The following MAGI2 variants were observed in gnomAD, a reference collection of about 807,000 sequenced individuals.
MAGI2 encodes the protein membrane-associated guanylate kinase, WW and PDZ domain-containing protein 2.
Under a neutral mutation model 133.3 loss-of-function variants are expected in MAGI2, and 35 were observed. The observed-to-expected ratio is 0.26, with a 90% CI of 0.20 to 0.35. The LOEUF (loss-of-function observed/expected upper bound fraction) is 0.35, where lower values mean the gene tolerates loss of function less well. MAGI2 is among the 10% of genes least tolerant of loss of function. The pLI is 1.00. For missense variants in MAGI2, 1,636 were observed against 1,863.4 expected (o/e 0.88, Z 2.25); for synonymous variants, 729 against 710.6 (o/e 1.03, Z -0.41).
Position 78,331,113 on chromosome 7 carries a change from A to C in MAGI2, c.1408+12665T>G, listed in dbSNP as rs1323036446. Among the ~76,000 whole-genome samples the C allele has an allele frequency of 3.3e-5, 5 of 152,212 alleles. No homozygotes were observed. The East Asian group carries it at 9.6e-4, about 29-fold the overall frequency. On this transcript the variant is annotated intron_variant, in intron 9 of 21. Transcript: ENST00000354212. The stretch of plus-strand genomic sequence containing the variant: ...TCCTAAGTGAATTAACACAAGAACA[A>C]AAATCCAAATACTACATGTTCTCAC...
At chr7:78,241,573 A>G (rs1381191038) in intron 10 of MAGI2, among the ~76,000 whole-genome samples, 1 of 152,218 alleles carries the variant, frequency 6.6e-6, no homozygotes, top group South Asian at 2.1e-4. Context: ...ATTTTAATAC[A>G]TATACCAGTG....
intron 1 of MAGI2, among the ~76,000 whole-genome samples, chr7:79,280,155 A>T (rs2129557878): frequency 6.6e-6 from 1 of 152,316 alleles, no homozygotes; most frequent in Non-Finnish European, 1.5e-5. Flanking sequence ...TTAAAAGCAG[A>T]GTTAGGAAGA....
intron 9 of MAGI2, among the ~76,000 whole-genome samples, chr7:78,330,001 G>C (rs888754307): frequency 2.0e-5 from 3 of 151,442 alleles, no homozygotes; most frequent in African/African-American, 7.3e-5. Context: ...GAATCATTTT[G>C]TCTCCAGGAT....
At chr7:78,500,946 G>T (rs1563089282) in intron 5 of MAGI2, among the ~76,000 whole-genome samples, 1 of 152,134 alleles carries the variant, frequency 6.6e-6, no homozygotes, top group African/African-American at 2.4e-5. Context: ...AAATTAGCCA[G>T]GCATGGTGGT....
intron 6 of MAGI2, among the ~76,000 whole-genome samples, chr7:78,439,473 G>A (rs1218906380): frequency 6.6e-6 from 1 of 152,158 alleles, no homozygotes; most frequent in Non-Finnish European, 1.5e-5. Context: ...AAGAAGTGGG[G>A]CAGGCCTTTG....
rs141426180 is a variant in MAGI2, at chr7:78,663,365, C to T, written c.419-36126G>A. Among the ~76,000 whole-genome samples, 393 of 152,184 alleles carry T rather than the reference C, an allele frequency of 2.6e-3. 12 individuals carry two copies. Among genetic ancestry groups the T allele is most frequent in the Admixed American group, 0.022 (331 of 15,284 alleles). On this transcript the variant is annotated intron_variant, in intron 2 of 21. Coordinates refer to ENST00000354212, the MANE Select transcript of MAGI2 (RefSeq NM_012301.4). ...GGGATTATAGGCACGCGCTACCACA[C>T]ACAGCTAATTTTTGTATTTTTAGTA...
intron 3 of MAGI2, among the ~76,000 whole-genome samples, chr7:78,543,904 A>C (rs552689459): frequency 3.9e-5 from 6 of 152,228 alleles, no homozygotes; most frequent in Non-Finnish European, 8.8e-5. Flanking sequence ...TTATTCATTT[A>C]AGTTTTATGC....
At chr7:79,156,343 A>G (rs922766973) in intron 1 of MAGI2, among the ~76,000 whole-genome samples, 1 of 152,106 alleles carries the variant, frequency 6.6e-6, no homozygotes, top group African/African-American at 2.4e-5. Context: ...TATGCTGTTA[A>G]AGAACTAGAT....
At chr7:78,663,854 C>G (rs1449724559) in intron 2 of MAGI2, among the ~76,000 whole-genome samples, 1 of 152,180 alleles carries the variant, frequency 6.6e-6, no homozygotes, top group Non-Finnish European at 1.5e-5. Flanking sequence ...TGACTAATCT[C>G]CCTTTTACTG....
At chr7:79,375,528 A>G (rs1277243929) in intron 1 of MAGI2, among the ~76,000 whole-genome samples, 1 of 152,022 alleles carries the variant, frequency 6.6e-6, no homozygotes, top group Non-Finnish European at 1.5e-5. Flanking sequence ...ATGTGCTTTA[A>G]TAACAAGGCC....
At chr7:79,136,757 G>A (rs1821618670) in intron 1 of MAGI2, among the ~76,000 whole-genome samples, 1 of 152,142 alleles carries the variant, frequency 6.6e-6, no homozygotes, top group Admixed American at 6.5e-5. Context: ...GGTTTATGAT[G>A]GAAGTAATTG....
At chr7:78,944,707 CTATTTATTTATT>C (rs56177719) in intron 2 of MAGI2, among the ~76,000 whole-genome samples, 77 of 147,478 alleles carry the variant, frequency 5.2e-4, no homozygotes, top group Non-Finnish European at 6.3e-4. Context: ...AAATAGACTA[CTATTTATTTATT>C]TATTTATTTA....
intron 20 of MAGI2, among the ~76,000 whole-genome samples, chr7:78,092,224 G>C (rs925511411): frequency 1.3e-5 from 2 of 152,144 alleles, no homozygotes; most frequent in African/African-American, 4.8e-5. Flanking sequence ...CTAATAGCTT[G>C]ATTTAAGGTC....
intron 2 of MAGI2, among the ~76,000 whole-genome samples, chr7:78,696,277 C>A (rs1018678988): frequency 2.6e-5 from 4 of 152,052 alleles, no homozygotes; most frequent in Non-Finnish European, 5.9e-5. Context: ...TCAATTTTTA[C>A]AAGTTAATTT....
chr7:79,449,776 G>A (rs1258212114), intron 1 of MAGI2, among the ~76,000 whole-genome samples: 1 of 151,382 alleles, frequency 6.6e-6, no homozygotes, highest in Non-Finnish European at 1.5e-5. Flanking sequence ...ATTAAAAGCA[G>A]AAAGCTTAAA....
intron 9 of MAGI2, among the ~76,000 whole-genome samples, chr7:78,324,276 T>C (rs1237947181): frequency 1.3e-5 from 2 of 151,888 alleles, no homozygotes; most frequent in African/African-American, 4.8e-5. Flanking sequence ...GAGAATTTTA[T>C]CACACTTTAG....
At chr7:78,837,867 G>C (rs1791783671) in intron 2 of MAGI2, among the ~76,000 whole-genome samples, 1 of 151,962 alleles carries the variant, frequency 6.6e-6, no homozygotes, top group African/African-American at 2.4e-5. Flanking sequence ...TGTTCCATTT[G>C]AGGTTTTTCA....
At chr7:78,905,317 T>C (rs1563647930) in intron 2 of MAGI2, among the ~76,000 whole-genome samples, 1 of 152,210 alleles carries the variant, frequency 6.6e-6, no homozygotes, top group Non-Finnish European at 1.5e-5. Context: ...TCTCTCTCTG[T>C]CTCACTCCTC....
chr7:78,088,755 G>A (rs1464468538), intron 20 of MAGI2, among the ~76,000 whole-genome samples: 2 of 152,146 alleles, frequency 1.3e-5, no homozygotes, highest in Non-Finnish European at 2.9e-5. Flanking sequence ...ACCTCTCTGT[G>A]GCAGACAGAA....
Sources: allele counts gnomAD v4.1 joint callset (sites outside exome capture counted in the v4.1 genomes callset), GRCh38; gene constraint gnomAD v4.1.1; transcripts MANE v1.5; gene names NCBI Gene and HGNC (gene_info 2026-07-23, HGNC 2026-07-21).